The following OLFM3 variants were observed in gnomAD, a reference collection of about 807,000 sequenced individuals.
OLFM3 encodes olfactomedin 3.
A neutral mutation model predicts 48.6 loss-of-function variants in OLFM3; 20 were observed. That is an observed-to-expected ratio of 0.41 (90% confidence interval 0.29 to 0.60). OLFM3 has a LOEUF of 0.60. OLFM3 is among the 20% of genes least tolerant of loss of function. The pLI is 0.28. For synonymous variants in OLFM3, 222 were observed against 198.1 expected (o/e 1.12, Z -1.01); for missense variants, 437 against 544.3 (o/e 0.80, Z 1.96).
At chr1:101,839,243 C>T (rs1655591204) in intron 1 of OLFM3, among the ~76,000 whole-genome samples, 1 of 152,266 alleles carries the variant, frequency 6.6e-6, no homozygotes, top group African/African-American at 2.4e-5. Flanking sequence ...TTCTTTCTAG[C>T]TCTTATGCTT....
chr1:101,989,969 A>G (rs1187383840), intron 1 of OLFM3, among the ~76,000 whole-genome samples: 1 of 152,196 alleles, frequency 6.6e-6, no homozygotes, highest in East Asian at 1.9e-4. Flanking sequence ...TAGTTTGTGA[A>G]GACATAAGAA....
intron 4 of OLFM3, among the ~76,000 whole-genome samples, chr1:101,813,481 A>C (rs542840675): frequency 6.6e-5 from 10 of 152,290 alleles, no homozygotes; most frequent in South Asian, 6.2e-4. Context: ...AAATATAGTT[A>C]TATTTCACCA....
chr1:101,820,642 G>A (rs930836743), intron 4 of OLFM3, among the ~76,000 whole-genome samples: 1 of 151,992 alleles, frequency 6.6e-6, no homozygotes, highest in Non-Finnish European at 1.5e-5. Context: ...TAAGCAAAAT[G>A]GTGCCCATGG....
chr1:101,899,337 G>A (rs1427596976), intron 1 of OLFM3, among the ~76,000 whole-genome samples: 4 of 152,166 alleles, frequency 2.6e-5, no homozygotes, highest in African/African-American at 7.2e-5. Flanking sequence ...CAACATGATA[G>A]CTTGTTTCCC....
At chr1:101,812,786 T>G in intron 4 of OLFM3, 1 of 989,538 alleles carries the variant, frequency 1.0e-6, no homozygotes, top group Non-Finnish European at 1.2e-6. Flanking sequence ...GTGACCATGG[T>G]AAAGTGGTCT....
At chr1:101,950,037 A>G (rs1005852688) in intron 1 of OLFM3, among the ~76,000 whole-genome samples, 29 of 151,834 alleles carry the variant, frequency 1.9e-4, no homozygotes, top group South Asian at 8.3e-4. Flanking sequence ...TAAAAAAAAA[A>G]AAAAAAAAAA....
intron 1 of OLFM3, among the ~76,000 whole-genome samples, chr1:101,918,676 T>A (rs1659002507): frequency 6.6e-6 from 1 of 151,992 alleles, no homozygotes; most frequent in Admixed American, 6.6e-5. Context: ...TGCAAAGTTT[T>A]TTTGTCCATG....
intron 3 of OLFM3, among the ~76,000 whole-genome samples, chr1:101,828,030 C>G (rs368161950): frequency 0.26 from 35,984 of 138,028 alleles, 5,042 homozygotes; most frequent in Non-Finnish European, 0.33. Flanking sequence ...CTCTCTCTCT[C>G]TCTGTCTGTC....
At chr1:101,958,449 A>G (rs939607748) in intron 1 of OLFM3, among the ~76,000 whole-genome samples, 1 of 152,030 alleles carries the variant, frequency 6.6e-6, no homozygotes, top group East Asian at 1.9e-4. Flanking sequence ...AATTCATATA[A>G]TTTATTAGTG....
At chr1:101,943,791 T>A (rs968341240) in intron 1 of OLFM3, among the ~76,000 whole-genome samples, 2 of 152,116 alleles carry the variant, frequency 1.3e-5, no homozygotes. Flanking sequence ...TAAGTGTGTA[T>A]TTGCACAGGT....
At chr1:101,872,073 A>G (rs1353841884) in intron 1 of OLFM3, among the ~76,000 whole-genome samples, 1 of 152,084 alleles carries the variant, frequency 6.6e-6, no homozygotes, top group Non-Finnish European at 1.5e-5. Flanking sequence ...GTGAAAGCAG[A>G]AGCTCAGAGA....
At chr1:101,854,936 G>A (rs1371044846) in intron 1 of OLFM3, among the ~76,000 whole-genome samples, 1 of 152,026 alleles carries the variant, frequency 6.6e-6, no homozygotes, top group Non-Finnish European at 1.5e-5. Context: ...CCTGGAACAT[G>A]ATCAGTGCTC....
intron 1 of OLFM3, among the ~76,000 whole-genome samples, chr1:101,848,099 T>C (rs1656082495): frequency 6.6e-6 from 1 of 152,192 alleles, no homozygotes; most frequent in African/African-American, 2.4e-5. Context: ...TTTTCATAAA[T>C]ACTATAAATT....
chr1:101,874,289 A>G (rs1417495963), intron 1 of OLFM3, among the ~76,000 whole-genome samples: 2 of 151,880 alleles, frequency 1.3e-5, no homozygotes, highest in Non-Finnish European at 2.9e-5. Flanking sequence ...ACTGGGAGAA[A>G]TTCCAATGAG....
intron 1 of OLFM3, among the ~76,000 whole-genome samples, chr1:101,867,727 A>C (rs1421439743): frequency 2.0e-5 from 3 of 152,180 alleles, no homozygotes; most frequent in Admixed American, 6.5e-5. Flanking sequence ...TCATTTACCT[A>C]TGTCTATAAC....
chr1:101,902,650 TAAAC>T (rs548428641), intron 1 of OLFM3, among the ~76,000 whole-genome samples: 4 of 152,220 alleles, frequency 2.6e-5, no homozygotes, highest in South Asian at 2.1e-4. Flanking sequence ...ATTGATATGT[TAAAC>T]AAACACCACT....
chr1:101,984,203 C>A (rs1487421623), intron 1 of OLFM3, among the ~76,000 whole-genome samples: 1 of 143,670 alleles, frequency 7.0e-6, no homozygotes, highest in Admixed American at 7.2e-5. Flanking sequence ...GACACCACTG[C>A]ACTCTAGCCT....
intron 4 of OLFM3, among the ~76,000 whole-genome samples, chr1:101,811,427 T>C (rs1570504457): frequency 6.6e-6 from 1 of 152,178 alleles, no homozygotes; most frequent in East Asian, 1.9e-4. Flanking sequence ...AGAAAATTTT[T>C]GCAATCTACT....
chr1:101,945,682 T>C (rs1659943143), intron 1 of OLFM3, among the ~76,000 whole-genome samples: 1 of 152,130 alleles, frequency 6.6e-6, no homozygotes, highest in Non-Finnish European at 1.5e-5. Context: ...GCACAGTGGC[T>C]CACGCCTATA....
Sources: allele counts gnomAD v4.1 joint callset (sites outside exome capture counted in the v4.1 genomes callset), GRCh38; gene constraint gnomAD v4.1.1; transcripts MANE v1.5; gene names NCBI Gene and HGNC (gene_info 2026-07-23, HGNC 2026-07-21).